The following PCDHGA10 variants were observed in gnomAD, a reference collection of about 807,000 sequenced individuals.
The protein encoded by PCDHGA10 is protocadherin gamma subfamily A, 10, also known as protocadherin gamma-A10.
A neutral mutation model predicts 59.5 loss-of-function variants in PCDHGA10; 42 were observed. That is an observed-to-expected ratio of 0.71 (90% CI 0.55 to 0.91). The LOEUF is 0.91. Among genes scored for constraint, PCDHGA10 ranks in the 40% least tolerant of loss-of-function variants. The probability of loss-of-function intolerance (pLI) is 0.00; values close to 1 mark genes in which losing one functional copy is unlikely to be tolerated. For missense variants in PCDHGA10, 1,111 were observed against 1,198.2 expected (o/e 0.93, Z 1.07); for synonymous variants, 511 against 517.2 (o/e 0.99, Z 0.16).
rs754835805 is a variant in PCDHGA10 at position 141,415,008 on chromosome 5, T to C, written c.1833T>C (p.Arg611=). The part of the protein sequence containing the change: ...DSGQNAWLSY[R]LLKASEPGLF... ...GCCAGAACGCCTGGCTGTCCTACCGTCTGCTCAAGGCCAGCGAGCCGGGAC... is the reference window on the plus strand; with the variant it reads ...GCCAGAACGCCTGGCTGTCCTACCGCCTGCTCAAGGCCAGCGAGCCGGGAC... Residue 611 remains arginine (R), a synonymous_variant, in exon 1 of 4, where the codon CGT becomes CGC. Transcript: ENST00000398610. 3.1e-6 allele frequency: 5 copies of C among 1,613,636 alleles called. No individual in the cohort carries two copies. The South Asian group carries it at 3.3e-5, about 11-fold the overall frequency.
At chr5:141,426,814 T>C (rs2096962370) in intron 1 of PCDHGA10, 1 of 456,592 alleles carries the variant, frequency 2.2e-6, no homozygotes, top group Admixed American at 2.3e-5. Flanking sequence ...AATGAACATT[T>C]CTCTCTGATG....
Position 141,477,483 on chromosome 5 carries a change from A to G in PCDHGA10, c.2437-17324A>G. The G allele has an allele frequency of 6.2e-7, 1 of 1,614,028 alleles. No individual in the cohort carries two copies. On this transcript the variant is annotated intron_variant, in intron 1 of 3. Coordinates refer to ENST00000398610, the MANE Select transcript of PCDHGA10 (RefSeq NM_018913.3). The surrounding 1 kb of genome is among the most constrained non-coding windows in gnomAD (Gnocchi z 4.9). ...TCCGACATCAATGACAACCCTCCAC[A>G]ATCTTCTCAATCTTCCTACGACGTT...
chr5:141,478,323 G>A, intron 1 of PCDHGA10: 2 of 1,613,958 alleles, frequency 1.2e-6, no homozygotes, highest in Non-Finnish European at 8.5e-7. Flanking sequence ...TCACTGTACC[G>A]AACACCAGGG....
At position 141,432,999 on chromosome 5, in the gene PCDHGA10, A is replaced by G. The variant is rs745921704; in HGVS notation, c.2436+17388A>G. The G allele has an allele frequency of 1.1e-5, 17 of 1,614,046 alleles. No individual in the cohort carries two copies. Among genetic ancestry groups the G allele is most frequent in the East Asian group, 4.5e-5 (2 of 44,862 alleles). On this transcript the variant is annotated intron_variant, in intron 1 of 3. Coordinates refer to ENST00000398610, the MANE Select transcript of PCDHGA10 (RefSeq NM_018913.3). This position sits in a 1 kb window ranked among gnomAD's most constrained non-coding sequence, Gnocchi z 6.0. ...CACTTTGTGGGCGTGGACGGGGTGC[A>G]GGCTTTCCTGCAGACCTATTCCCAC...
At position 141,415,041 on chromosome 5, in the gene PCDHGA10, G is replaced by T; in HGVS notation, c.1866G>T (p.Ala622=). The T allele has an allele frequency of 6.2e-7, 1 of 1,613,530 alleles. No homozygotes were observed. The highest frequency in any genetic ancestry group is 8.5e-7 in the Non-Finnish European group (1 of 1,179,968). ...LLKASEPGLF[A]VGEHTGEVRT... Reference sequence around the variant, plus strand: ...AGGCCAGCGAGCCGGGACTCTTCGCGGTGGGGGAGCACACGGGCGAGGTGC... The same window carrying T: ...AGGCCAGCGAGCCGGGACTCTTCGCTGTGGGGGAGCACACGGGCGAGGTGC... Residue 622 remains alanine (A), a synonymous_variant, in exon 1 of 4, where the codon GCG becomes GCT. Transcript: ENST00000398610.
intron 1 of PCDHGA10, chr5:141,419,023 A>C: frequency 6.2e-7 from 1 of 1,613,958 alleles, no homozygotes; most frequent in East Asian, 2.2e-5. Context: ...GCTTAAGTAG[A>C]GGTGTTCCAT....
intron 1 of PCDHGA10, among the ~76,000 whole-genome samples, chr5:141,465,091 G>A (rs1689517062): frequency 6.7e-6 from 1 of 149,016 alleles, no homozygotes; most frequent in Non-Finnish European, 1.5e-5. Context: ...CATTTTTCTA[G>A]TAGTTTTTTT....
intron 2 of PCDHGA10, among the ~76,000 whole-genome samples, chr5:141,496,538 T>G (rs568286018): frequency 1.5e-4 from 23 of 152,266 alleles, no homozygotes; most frequent in African/African-American, 5.5e-4. Flanking sequence ...TGGCAGAGAT[T>G]CCAGCTTCTG....
At chr5:141,433,060 C>T in intron 1 of PCDHGA10, 1 of 1,614,198 alleles carries the variant, frequency 6.2e-7, no homozygotes, top group Non-Finnish European at 8.5e-7. Flanking sequence ...GGAAGAGTCA[C>T]CTGATCTTCC....
rs146919978 is a variant in PCDHGA10, at chr5:141,489,268, G to A, written c.2437-5539G>A. 1,443 of 1,553,166 alleles carry A rather than the reference G, an allele frequency of 9.3e-4. 2 individuals are homozygous for A. The highest frequency in any genetic ancestry group is 1.2e-3 in the Non-Finnish European group (1,381 of 1,149,786). On this transcript the variant is annotated intron_variant, in intron 1 of 3. Transcript: ENST00000398610. The surrounding 1 kb of genome is among the most constrained non-coding windows in gnomAD (Gnocchi z 4.5). ...GGGGCCCAAGACACTCCCACAGCTCGCTGGGAAATGGCAAGTGCTGTGCAT... is the reference window on the plus strand; with the variant it reads ...GGGGCCCAAGACACTCCCACAGCTCACTGGGAAATGGCAAGTGCTGTGCAT...
rs9324852 is a variant in PCDHGA10, at chr5:141,510,333, C to T, written c.2585-614C>T. On this transcript the variant is annotated intron_variant, in intron 3 of 3. Coordinates refer to ENST00000398610, the MANE Select transcript of PCDHGA10 (RefSeq NM_018913.3). ...AGGCTTGGAAGAGCACTCTTCACCC[C>T]CACCCCACACACTTACTAACGGAAC... Among the ~76,000 whole-genome samples the T allele has an allele frequency of 2.4e-3, 367 of 151,698 alleles. 1 individual carries two copies. Among genetic ancestry groups the T allele is most frequent in the African/African-American group, 8.4e-3 (348 of 41,384 alleles).
At chr5:141,428,400 G>C (rs373595231) in intron 1 of PCDHGA10, 4 of 483,290 alleles carry the variant, frequency 8.3e-6, no homozygotes, top group African/African-American at 2.0e-5. Flanking sequence ...CCTCTGCCTG[G>C]GGTTGCTTTC....
chr5:141,474,900 T>C (rs577411783), intron 1 of PCDHGA10, among the ~76,000 whole-genome samples: 2 of 152,368 alleles, frequency 1.3e-5, no homozygotes, highest in South Asian at 2.1e-4. Flanking sequence ...TCATTTCTTG[T>C]TCAAGGATAT....
intron 3 of PCDHGA10, chr5:141,507,213 G>C (rs1016967764): frequency 6.6e-6 from 1 of 152,558 alleles, no homozygotes; most frequent in African/African-American, 2.4e-5. Context: ...AGGGTTGCCA[G>C]ATAAAATACA....
intron 3 of PCDHGA10, among the ~76,000 whole-genome samples, chr5:141,509,420 G>A (rs1384424118): frequency 6.6e-6 from 1 of 152,128 alleles, no homozygotes; most frequent in East Asian, 1.9e-4. Context: ...GAGCCCCAAT[G>A]AGTCAAACTC....
chr5:141,487,499 G>A lies in PCDHGA10; in HGVS notation c.2437-7308G>A, dbSNP rs2099647158. On this transcript the variant is annotated intron_variant, in intron 1 of 3. Transcript: ENST00000398610. This position sits in a 1 kb window ranked among gnomAD's most constrained non-coding sequence, Gnocchi z 5.0. ...CCACTCTCATGGCTGTACACCCTTGGCTTCTGCACCCACTCGGAGTGATAG... is the reference window on the plus strand; with the variant it reads ...CCACTCTCATGGCTGTACACCCTTGACTTCTGCACCCACTCGGAGTGATAG... The A allele has an allele frequency of 3.1e-6, 5 of 1,614,152 alleles. No homozygotes were observed. The highest frequency in any genetic ancestry group is 2.2e-5 in the East Asian group (1 of 44,852).
In PCDHGA10 at chr5:141,491,425, C is replaced by CA; in HGVS notation, c.2437-3381dup. The CA allele has an allele frequency of 6.2e-7, 1 of 1,614,076 alleles. No homozygotes were observed. The highest frequency in any genetic ancestry group is 8.5e-7 in the Non-Finnish European group (1 of 1,179,996). On this transcript the variant is annotated intron_variant, in intron 1 of 3. Coordinates refer to ENST00000398610, the MANE Select transcript of PCDHGA10 (RefSeq NM_018913.3). The surrounding 1 kb of genome is among the most constrained non-coding windows in gnomAD (Gnocchi z 6.9). ...CGCAGACGGGGACGGGGGTGGAGGG[C>CA]AGTGCTGCAGGCGCCAGGACTCACC...
rs146574799 is a variant in PCDHGA10, at chr5:141,487,337, G to A, written c.2437-7470G>A. The A allele has an allele frequency of 1.4e-5, 23 of 1,614,054 alleles. No individual in the cohort carries two copies. The highest frequency in any genetic ancestry group is 3.3e-5 in the Admixed American group (2 of 60,002). The stretch of plus-strand genomic sequence containing the variant: ...TAAGTGTCTTCGTGGGGCAGCCTGT[G>A]GAGTCACATGCTTTCCTGCTGGCAC... On this transcript the variant is annotated intron_variant, in intron 1 of 3. Coordinates refer to ENST00000398610, the MANE Select transcript of PCDHGA10 (RefSeq NM_018913.3). The surrounding 1 kb of genome is among the most constrained non-coding windows in gnomAD (Gnocchi z 5.0).
In PCDHGA10 at chr5:141,491,958, A is replaced by C; in HGVS notation, c.2437-2849A>C. The C allele has an allele frequency of 2.0e-6, 2 of 999,758 alleles. No homozygotes were observed. Among genetic ancestry groups the C allele is most frequent in the Non-Finnish European group, 2.8e-6 (2 of 718,534 alleles). The allele number at this position is 999,758 out of a possible 1,614,324, so 61.9% of individuals were successfully genotyped here. The stretch of plus-strand genomic sequence containing the variant: ...ACCGACCCCCACCCCTACACTCAAA[A>C]AAGGCCGGGGCCTCCTTCGAGCTTC... On this transcript the variant is annotated intron_variant, in intron 1 of 3. Coordinates refer to ENST00000398610, the MANE Select transcript of PCDHGA10 (RefSeq NM_018913.3). The surrounding 1 kb of genome is among the most constrained non-coding windows in gnomAD (Gnocchi z 6.9).
Sources: gnomAD v4.1 joint callset for allele counts (sites outside exome capture counted in the v4.1 genomes callset) on GRCh38, gnomAD v4.1.1 for gene constraint, Gnocchi (gnomAD v3.1) non-coding constraint, MANE v1.5 for transcripts, NCBI Gene and HGNC (gene_info 2026-07-23, HGNC 2026-07-21) for gene names.